Variants in CLUL1 observed in about 807,000 individuals in gnomAD.
The protein encoded by CLUL1 is clusterin like 1.
CLUL1 carries 43 observed loss-of-function variants against 49.4 expected under a neutral mutation model. That is an observed-to-expected ratio of 0.87 (90% CI 0.68 to 1.12). The LOEUF is 1.12. Among genes scored for constraint, CLUL1 ranks in the 50% most tolerant of loss-of-function variants. The pLI is 0.00. For missense variants in CLUL1, 486 were observed against 544.4 expected, an observed-to-expected ratio of 0.89 and a Z score of 1.07; for synonymous variants, 192 against 184.9, an observed-to-expected ratio of 1.04 and a Z score of -0.31.
intron 6 of CLUL1, among the ~76,000 whole-genome samples, chr18:628,057 C>T (rs901018706): frequency 2.0e-5 from 3 of 152,322 alleles, no homozygotes; most frequent in Non-Finnish European, 4.4e-5. Context: ...AAACTCCCGA[C>T]CTCAGGTGAT....
In CLUL1 at chr18:607,062, C is replaced by T; in HGVS notation, c.-51C>T. ...GCCTCAAATTCCTGGGTTCAAGTGA[C>T]CCTCCTACCTCAGCCCCATGAGGAC... On this transcript the variant is annotated 5_prime_UTR_variant, in exon 2 of 10. Coordinates refer to ENST00000692774, the MANE Select transcript of CLUL1 (RefSeq NM_001393344.1). The T allele has an allele frequency of 4.3e-6, 3 of 701,808 alleles. No homozygotes were observed. The South Asian group carries it at 4.4e-5, about 10-fold the overall frequency. 43.5% of individuals were successfully genotyped at this position (701,808 alleles called of 1,614,324 possible). A position where few individuals can be genotyped will look rare whatever the true frequency, so the allele number is the denominator to read the frequency against.
intron 1 of CLUL1, among the ~76,000 whole-genome samples, chr18:605,398 T>G (rs1467426274): frequency 6.6e-6 from 1 of 151,884 alleles, no homozygotes; most frequent in African/African-American, 2.4e-5. Flanking sequence ...GAGGCCTAGG[T>G]GGGTGGATTG....
intron 4 of CLUL1, among the ~76,000 whole-genome samples, chr18:621,082 A>G (rs976131907): frequency 6.6e-6 from 1 of 152,230 alleles, no homozygotes; most frequent in Non-Finnish European, 1.5e-5. Context: ...AGTGTTAAAT[A>G]CATTCATACT....
intron 9 of CLUL1, among the ~76,000 whole-genome samples, chr18:646,063 C>A (rs182263919): frequency 5.2e-4 from 78 of 151,320 alleles, no homozygotes; most frequent in African/African-American, 1.9e-3. Flanking sequence ...GCTCAGTGTC[C>A]AAGGTCCAAT....
At chr18:607,238 T>C (rs62090073) in intron 2 of CLUL1, 139 bp downstream of exon 2, 89,203 of 598,632 alleles carry the variant, frequency 0.15, 9,189 homozygotes, top group African/African-American at 0.39. Flanking sequence ...AGGGTTTCTC[T>C]TGCCTCAGCC....
intron 7 of CLUL1, among the ~76,000 whole-genome samples, chr18:635,724 A>G (rs1718727277): frequency 6.6e-6 from 1 of 152,010 alleles, no homozygotes; most frequent in African/African-American, 2.4e-5. Flanking sequence ...GTTGCAACAA[A>G]TCGCGCCGTT....
intron 5 of CLUL1, among the ~76,000 whole-genome samples, chr18:625,626 T>G (rs1221191248): frequency 2.0e-5 from 3 of 151,894 alleles, no homozygotes; most frequent in African/African-American, 7.3e-5. Flanking sequence ...TTTGTACCCT[T>G]TGGTTATCTT....
At chr18:621,709 G>C (rs554923029) in intron 4 of CLUL1, among the ~76,000 whole-genome samples, 1 of 152,078 alleles carries the variant, frequency 6.6e-6, no homozygotes, top group African/African-American at 2.4e-5. Context: ...AGAAAACTGG[G>C]GTTTGAGATG....
chr18:626,020 T>C (rs1011960740), intron 5 of CLUL1, among the ~76,000 whole-genome samples: 2 of 152,270 alleles, frequency 1.3e-5, no homozygotes, highest in Middle Eastern at 3.4e-3. Context: ...CTTATGAACA[T>C]TTCTTGGGGC....
In CLUL1 at chr18:622,984, G is replaced by A. The variant is rs1192971933; in HGVS notation, c.256-1881G>A. ...CAATGAGCAGAATATGTAAAATTGG[G>A]ACTGATTGAGAAAATCCTGGAGGTA... On this transcript the variant is annotated intron_variant, in intron 4 of 9. Coordinates refer to ENST00000692774, the MANE Select transcript of CLUL1 (RefSeq NM_001393344.1). Among the ~76,000 whole-genome samples, 5 of 151,950 alleles carry A rather than the reference G, an allele frequency of 3.3e-5. No homozygotes were observed. The East Asian group carries it at 9.7e-4, about 29-fold the overall frequency.
At position 645,807 on chromosome 18, in the gene CLUL1, AAAAATATATATATATAT is replaced by A. The variant is rs1183540843; in HGVS notation, c.1397+712_1397+728del. On this transcript the variant is annotated intron_variant, in intron 9 of 9. Transcript: ENST00000692774. ...AGACTCTGTTTAAAAAAAAAAAAAA[AAAAATATATATATATAT>A]ATATATATATATATATATATATATA... is the stretch of plus-strand genomic sequence containing the variant. Among the ~76,000 whole-genome samples, 13 of 69,164 alleles carry A rather than the reference AAAAATATATATATATAT, an allele frequency of 1.9e-4. 1 individual carries two copies. Among genetic ancestry groups the A allele is most frequent in the African/African-American group, 8.6e-4 (13 of 15,036 alleles). 45.4% of individuals were successfully genotyped at this position (69,164 alleles called of 152,430 possible). A position where few individuals can be genotyped will look rare whatever the true frequency, so the allele number is the denominator to read the frequency against.
chr18:640,121 T>TA (rs2074297127), intron 7 of CLUL1, among the ~76,000 whole-genome samples: 2 of 152,244 alleles, frequency 1.3e-5, no homozygotes, highest in East Asian at 3.9e-4. Context: ...CAGTAAATAG[T>TA]AAAGCCAACA....
At chr18:614,801 T>C (rs2086729854) in intron 2 of CLUL1, 1 of 152,240 alleles carries the variant, frequency 6.6e-6, no homozygotes. Context: ...GAGCTGGTTC[T>C]ATATAAGACA....
rs1240019016 is a variant in CLUL1 at position 649,926 on chromosome 18, A to G, written c.*25A>G. On this transcript the variant is annotated 3_prime_UTR_variant, in exon 10 of 10. Transcript: ENST00000692774. Reference sequence around the variant, plus strand: ...AGAAGATCTAATGCATCCTATATCCAGTAAGTAGAATTATCTCTTCATCTG... The same window carrying G: ...AGAAGATCTAATGCATCCTATATCCGGTAAGTAGAATTATCTCTTCATCTG... 5.9e-6 allele frequency: 8 copies of G among 1,365,118 alleles called. No individual in the cohort carries two copies. The African/African-American group carries it at 8.8e-5, about 15-fold the overall frequency. The allele number at this position is 1,365,118 out of a possible 1,614,324, so 84.6% of individuals were successfully genotyped here.
chr18:640,539 G>T (rs890867070), intron 7 of CLUL1, among the ~76,000 whole-genome samples: 1 of 150,932 alleles, frequency 6.6e-6, no homozygotes, highest in Non-Finnish European at 1.5e-5. Flanking sequence ...GTATTCTTTT[G>T]CAATATGGCT....
Position 632,023 on chromosome 18 carries a change from G to T in CLUL1, c.857-1275G>T, listed in dbSNP as rs568956155. Among the ~76,000 whole-genome samples the T allele has an allele frequency of 2.6e-5, 4 of 152,218 alleles. No individual in the cohort carries two copies. In the South Asian group the frequency reaches 8.3e-4, roughly 32 times the overall value. On this transcript the variant is annotated intron_variant, in intron 6 of 9. Transcript: ENST00000692774. ...AGTGCTTCACTGTTTTTAAACTATGGACTTTGCAATTTATCTCAAAATAAA... is the reference window on the plus strand; with the variant it reads ...AGTGCTTCACTGTTTTTAAACTATGTACTTTGCAATTTATCTCAAAATAAA...
At chr18:634,175 C>T (rs1380696061) in intron 7 of CLUL1, among the ~76,000 whole-genome samples, 3 of 152,244 alleles carry the variant, frequency 2.0e-5, no homozygotes, top group East Asian at 3.9e-4. Flanking sequence ...TGCTCTGTTG[C>T]CCAGGCTGGA....
intron 2 of CLUL1, among the ~76,000 whole-genome samples, chr18:610,367 A>T (rs2051182788): frequency 6.6e-6 from 1 of 152,106 alleles, no homozygotes; most frequent in South Asian, 2.1e-4. Context: ...TGGGTTGGCC[A>T]CTGGATTGAA....
At chr18:605,902 C>T (rs943275484) in intron 1 of CLUL1, among the ~76,000 whole-genome samples, 4 of 152,090 alleles carry the variant, frequency 2.6e-5, no homozygotes, top group African/African-American at 4.8e-5. Flanking sequence ...TGGCCTCAAG[C>T]AATCCACCCT....
Sources: allele counts gnomAD v4.1 joint callset (sites outside exome capture counted in the v4.1 genomes callset), GRCh38; gene constraint gnomAD v4.1.1; transcripts MANE v1.5; gene names NCBI Gene and HGNC (gene_info 2026-07-23, HGNC 2026-07-21).